Variants in NUDCD3 observed in about 807,000 individuals in gnomAD.
The protein encoded by NUDCD3 is nudC domain-containing protein 3.
In NUDCD3, 13 loss-of-function variants were observed where a neutral mutation model predicts 39.7. That is an observed-to-expected ratio of 0.33 (90% CI 0.21 to 0.52). The LOEUF is 0.52. NUDCD3 is among the 20% of genes least tolerant of loss of function. NUDCD3 has a pLI of 0.96. For missense variants in NUDCD3, 453 were observed against 458.1 expected, an observed-to-expected ratio of 0.99 and a Z score of 0.10; for synonymous variants, 175 against 172.4, an observed-to-expected ratio of 1.02 and a Z score of -0.12.
At chr7:44,467,828 A>G (rs1563186184) in intron 2 of NUDCD3, 3 of 1,009,666 alleles carry the variant, frequency 3.0e-6, no homozygotes, top group Non-Finnish European at 2.7e-6. Flanking sequence ...AAAAAAAAAA[A>G]AAAGAAAAGA....
intron 2 of NUDCD3, among the ~76,000 whole-genome samples, chr7:44,431,842 T>C (rs111466417): frequency 0.052 from 7,974 of 152,100 alleles, 586 homozygotes; most frequent in East Asian, 0.27. Context: ...CCAGCTAATT[T>C]TTATATTTTA....
At chr7:44,485,831 GCCT>G (rs1250828934) in intron 1 of NUDCD3, among the ~76,000 whole-genome samples, 6 of 152,338 alleles carry the variant, frequency 3.9e-5, no homozygotes, top group Admixed American at 2.0e-4. Context: ...GATTTCTGCT[GCCT>G]CCTAAGAACT....
chr7:44,447,748 A>G (rs893287924), intron 2 of NUDCD3, among the ~76,000 whole-genome samples: 2 of 152,196 alleles, frequency 1.3e-5, no homozygotes, highest in African/African-American at 4.8e-5. Context: ...TCCTTGCATT[A>G]GCCTTCCTCA....
chr7:44,454,739 C>A (rs1165920010), intron 2 of NUDCD3, among the ~76,000 whole-genome samples: 1 of 152,130 alleles, frequency 6.6e-6, no homozygotes, highest in Non-Finnish European at 1.5e-5. Flanking sequence ...CCAGCCTGGG[C>A]AACATAATGA....
rs1441395957 is a variant in NUDCD3 at position 44,382,805 on chromosome 7, GTTCCCCAA to G, written c.*3198_*3205del. ...CAGATTTGAGGTGGGGGTGAGGTCT[GTTCCCCAA>G]GCGCAGTGTTCTGGGCAGTGAGTTC... On this transcript the variant is annotated 3_prime_UTR_variant, in exon 6 of 6. Coordinates refer to ENST00000355451, the MANE Select transcript of NUDCD3 (RefSeq NM_015332.4). 20 of 152,392 alleles carry G rather than the reference GTTCCCCAA, an allele frequency of 1.3e-4. No homozygotes were observed. The highest frequency in any genetic ancestry group is 4.1e-4 in the African/African-American group (17 of 41,450). The allele number at this position is 152,392 out of a possible 1,614,324, so 9.4% of individuals were successfully genotyped here. A position where few individuals can be genotyped will look rare whatever the true frequency, so the allele number is the denominator to read the frequency against.
At chr7:44,464,141 G>A (rs1459148092) in intron 2 of NUDCD3, among the ~76,000 whole-genome samples, 1 of 150,896 alleles carries the variant, frequency 6.6e-6, no homozygotes, top group South Asian at 2.1e-4. Flanking sequence ...TTGAACCCGA[G>A]AGGAAGAGGT....
chr7:44,458,576 T>C (rs555165848), intron 2 of NUDCD3, among the ~76,000 whole-genome samples: 3 of 151,776 alleles, frequency 2.0e-5, no homozygotes, highest in Admixed American at 6.6e-5. Flanking sequence ...GAGAATCACT[T>C]GAACCTGGGA....
intron 2 of NUDCD3, among the ~76,000 whole-genome samples, chr7:44,428,674 T>C (rs948712307): frequency 3.9e-5 from 6 of 152,202 alleles, no homozygotes; most frequent in Non-Finnish European, 7.3e-5. Context: ...TAAATACAGA[T>C]AGGCCTACCA....
intron 2 of NUDCD3, among the ~76,000 whole-genome samples, chr7:44,442,111 C>T (rs144256107): frequency 0.01 from 1,580 of 152,234 alleles, 11 homozygotes; most frequent in Non-Finnish European, 0.014. Context: ...GAACAGTGTA[C>T]GACTCAGAGT....
At chr7:44,389,397 G>A (rs1287104157) in intron 5 of NUDCD3, among the ~76,000 whole-genome samples, 1 of 152,212 alleles carries the variant, frequency 6.6e-6, no homozygotes, top group Non-Finnish European at 1.5e-5. Flanking sequence ...TAAGGAGGCC[G>A]GCCGGGCGCG....
At chr7:44,471,584 G>A (rs1168774192) in intron 2 of NUDCD3, among the ~76,000 whole-genome samples, 1 of 152,184 alleles carries the variant, frequency 6.6e-6, no homozygotes, top group Non-Finnish European at 1.5e-5. Flanking sequence ...GCACAGGAAA[G>A]GCACATAGAG....
intron 4 of NUDCD3, among the ~76,000 whole-genome samples, chr7:44,400,760 T>C (rs966192838): frequency 6.6e-6 from 1 of 152,220 alleles, no homozygotes; most frequent in Non-Finnish European, 1.5e-5. Context: ...ATATCATTCA[T>C]CTCTGCCCTA....
intron 2 of NUDCD3, among the ~76,000 whole-genome samples, chr7:44,447,036 G>A (rs1464621522): frequency 6.6e-6 from 1 of 152,230 alleles, no homozygotes; most frequent in Non-Finnish European, 1.5e-5. Context: ...TACTTGGGCT[G>A]CCAAGGAAAA....
intron 2 of NUDCD3, among the ~76,000 whole-genome samples, chr7:44,484,005 T>C (rs1800549946): frequency 6.6e-6 from 1 of 151,988 alleles, no homozygotes; most frequent in Non-Finnish European, 1.5e-5. Context: ...TAAGATCCGG[T>C]CTCTATTAAA....
At position 44,416,197 on chromosome 7, in the gene NUDCD3, C is replaced by T. The variant is rs186739966; in HGVS notation, c.642+11374G>A. 2.5e-3 allele frequency among the ~76,000 whole-genome samples: 381 copies of T among 152,298 alleles called. 1 individual carries two copies. Among genetic ancestry groups the T allele is most frequent in the African/African-American group, 8.3e-3 (345 of 41,562 alleles). ...CTCCTGGGCTCAGGTAATCCTCCCA[C>T]CTCTGCCTCCCAAGTAGCTAGGACT... is the stretch of plus-strand genomic sequence containing the variant. On this transcript the variant is annotated intron_variant, in intron 3 of 5. Coordinates refer to ENST00000355451, the MANE Select transcript of NUDCD3 (RefSeq NM_015332.4).
At chr7:44,395,866 T>C (rs1798614358) in intron 4 of NUDCD3, among the ~76,000 whole-genome samples, 1 of 152,234 alleles carries the variant, frequency 6.6e-6, no homozygotes, top group African/African-American at 2.4e-5. Context: ...TTGTGAATAA[T>C]GCTGCTATGA....
chr7:44,428,515 A>AT (rs1563173652), intron 2 of NUDCD3, among the ~76,000 whole-genome samples: 1 of 152,052 alleles, frequency 6.6e-6, no homozygotes, highest in Non-Finnish European at 1.5e-5. Flanking sequence ...CCTAGCCTCT[A>AT]TTTTTTCATA....
chr7:44,488,650 T>C (rs1406751187), intron 1 of NUDCD3, among the ~76,000 whole-genome samples: 1 of 152,182 alleles, frequency 6.6e-6, no homozygotes, highest in Non-Finnish European at 1.5e-5. Flanking sequence ...CTGAACTTTT[T>C]CCCCTAAACC....
chr7:44,454,774 T>A, intron 2 of NUDCD3, among the ~76,000 whole-genome samples: 1 of 151,946 alleles, frequency 6.6e-6, no homozygotes, highest in East Asian at 1.9e-4. Flanking sequence ...CAAAAAAAAT[T>A]TTTTTTTAAT....
Sources: gnomAD v4.1 joint callset for allele counts (sites outside exome capture counted in the v4.1 genomes callset) on GRCh38, gnomAD v4.1.1 for gene constraint, MANE v1.5 for transcripts, NCBI Gene and HGNC (gene_info 2026-07-23, HGNC 2026-07-21) for gene names.